The following MEGF6 variants were observed in gnomAD, a reference collection of about 807,000 sequenced individuals.
The protein encoded by MEGF6 is multiple epidermal growth factor-like domains protein 6.
A neutral mutation model predicts 207.1 loss-of-function variants in MEGF6; 184 were observed. The ratio of observed to expected loss-of-function variants is 0.89; its 90% CI spans 0.79 to 1.00. MEGF6 has a LOEUF of 1.00. Ranked by LOEUF, MEGF6 falls within the 50% of genes least tolerant of loss-of-function variation. The pLI is 0.00. For missense variants in MEGF6, 2,282 were observed against 2,202.9 expected (o/e 1.04, Z -0.72); for synonymous variants, 1,038 against 910.0 (o/e 1.14, Z -2.53).
intron 3 of MEGF6, among the ~76,000 whole-genome samples, chr1:3,586,828 G>A (rs890083205): frequency 2.6e-5 from 4 of 152,198 alleles, no homozygotes; most frequent in African/African-American, 9.7e-5. Flanking sequence ...GAGACCTGCC[G>A]GGCCCGCCGG....
intron 3 of MEGF6, among the ~76,000 whole-genome samples, chr1:3,586,061 G>A (rs893023969): frequency 3.3e-5 from 5 of 149,304 alleles, no homozygotes; most frequent in Non-Finnish European, 7.4e-5. Flanking sequence ...GTGTGAGTGT[G>A]GACACACGTG....
the MEGF6 span, chr1:3,623,414 G>A: frequency 6.6e-6 from 1 of 152,456 alleles, no homozygotes; most frequent in Non-Finnish European, 1.5e-5. Flanking sequence ...CCGCTGGTAA[G>A]ATAGCTGGGA....
chr1:3,549,364 A>G (rs1050871415), intron 4 of MEGF6, among the ~76,000 whole-genome samples: 8 of 152,184 alleles, frequency 5.3e-5, no homozygotes, highest in African/African-American at 1.7e-4. Flanking sequence ...CCATGGCCAC[A>G]GGCAGACCAG....
intron 3 of MEGF6, among the ~76,000 whole-genome samples, chr1:3,593,124 G>A (rs983375555): frequency 5.3e-5 from 8 of 152,196 alleles, no homozygotes; most frequent in Non-Finnish European, 1.2e-4. Context: ...GACAGAGCTG[G>A]CAGGACGGGC....
chr1:3,490,717 GC>G, intron 36 of MEGF6, 128 bp from the exon 37 acceptor site: 1 of 1,140,846 alleles, frequency 8.8e-7, no homozygotes, highest in Non-Finnish European at 1.3e-6. Flanking sequence ...GGTGGGTGGG[GC>G]CCACCCATCC....
At chr1:3,529,191 G>A (rs1557752774) in intron 4 of MEGF6, among the ~76,000 whole-genome samples, 1 of 152,198 alleles carries the variant, frequency 6.6e-6, no homozygotes. Context: ...TGCCCACTGA[G>A]CCCTGTAGTG....
chr1:3,500,813 G>T, intron 20 of MEGF6, 49 bp from the exon 21 acceptor site: 1 of 1,595,154 alleles, frequency 6.3e-7, no homozygotes. Flanking sequence ...CGCGGGCCAC[G>T]GGCACCACAG....
intron 3 of MEGF6, among the ~76,000 whole-genome samples, chr1:3,589,665 G>A (rs1332325372): frequency 6.6e-6 from 1 of 152,214 alleles, no homozygotes. Flanking sequence ...GGTCAGGGCA[G>A]GTGCAGGTTT....
intron 4 of MEGF6, chr1:3,531,406 C>T: frequency 8.7e-7 from 1 of 1,144,520 alleles, no homozygotes; most frequent in Non-Finnish European, 1.1e-6. Context: ...GCCCGGGAGC[C>T]GCTCTGGGCC....
intron 4 of MEGF6, among the ~76,000 whole-genome samples, chr1:3,561,127 G>A (rs1400945033): frequency 6.6e-6 from 1 of 152,176 alleles, no homozygotes; most frequent in South Asian, 2.1e-4. Context: ...AAGGGGAGGC[G>A]GCACGGCAGG....
Position 3,499,236 on chromosome 1 carries a change from C to T in MEGF6, c.2996G>A (p.Cys999Tyr), listed in dbSNP as rs931956730. The change falls in exon 24 of 37, where the codon TGC (cysteine) becomes TAC (tyrosine). Residue 999 changes from cysteine to tyrosine, a missense_variant. Physicochemically the swap from Cys to Tyr is radical, Grantham distance 194 (BLOSUM62 -2). Transcript: ENST00000356575. ...TCPAHTYGHN[C>Y]SQACACFNGA... is the part of the protein sequence containing the mutation. ...GTTAAAGCAGGCACAGGCCTGGCTG[C>T]AATTGTGCCCGTAGGTGTGGGCTGG... The T allele has an allele frequency of 3.1e-6, 5 of 1,606,054 alleles. No homozygotes were observed. The highest frequency in any genetic ancestry group is 3.4e-6 in the Non-Finnish European group (4 of 1,177,540).
intron 3 of MEGF6, among the ~76,000 whole-genome samples, chr1:3,591,161 C>T (rs1429458679): frequency 6.6e-6 from 1 of 152,204 alleles, no homozygotes; most frequent in Non-Finnish European, 1.5e-5. Flanking sequence ...CCGCCCTCCT[C>T]GCATGAGCCA....
chr1:3,591,690 G>T (rs992612222), intron 3 of MEGF6, among the ~76,000 whole-genome samples: 19 of 147,314 alleles, frequency 1.3e-4, no homozygotes, highest in African/African-American at 3.5e-4. Flanking sequence ...GAGGCAGCTG[G>T]TGGGGGCTGC....
At chr1:3,555,513 G>A (rs1014204063) in intron 4 of MEGF6, among the ~76,000 whole-genome samples, 7 of 152,254 alleles carry the variant, frequency 4.6e-5, no homozygotes, top group African/African-American at 7.2e-5. Flanking sequence ...TAATGTGGGC[G>A]GCTCAGAAAT....
At chr1:3,522,066 C>T (rs1051436256) in intron 5 of MEGF6, among the ~76,000 whole-genome samples, 1 of 152,200 alleles carries the variant, frequency 6.6e-6, no homozygotes, top group African/African-American at 2.4e-5. Flanking sequence ...GGGGTGAAAC[C>T]CCCAGCATCT....
At chr1:3,555,857 G>T (rs555337891) in intron 4 of MEGF6, among the ~76,000 whole-genome samples, 103 of 152,380 alleles carry the variant, frequency 6.8e-4, no homozygotes, top group African/African-American at 2.4e-3. Flanking sequence ...GGAAGACTGA[G>T]CTGGCATCCT....
intron 4 of MEGF6, among the ~76,000 whole-genome samples, chr1:3,557,820 GCA>G (rs957036450): frequency 6.6e-6 from 1 of 152,232 alleles, no homozygotes; most frequent in Non-Finnish European, 1.5e-5. Context: ...GACGTCGTTT[GCA>G]CAGGCTCAGG....
In MEGF6 at chr1:3,505,595, A is replaced by G. The variant is rs952457539; in HGVS notation, c.1919-39T>C. 9 of 1,513,252 alleles carry G rather than the reference A, an allele frequency of 5.9e-6. No homozygotes were observed. The African/African-American group carries it at 1.1e-4, about 19-fold the overall frequency. 93.7% of individuals were successfully genotyped at this position (1,513,252 alleles called of 1,614,324 possible). On this transcript the variant is annotated intron_variant, in intron 15 of 36. Transcript: ENST00000356575. ...ACCGTTGAGGGGGGCTCCCGTCTGA[A>G]GCCCCACCCTCCCAGACCGCTTCCA...
At chr1:3,605,348 C>T (rs1300843640) in intron 1 of MEGF6, among the ~76,000 whole-genome samples, 2 of 125,190 alleles carry the variant, frequency 1.6e-5, no homozygotes, top group East Asian at 2.2e-4. Context: ...TGCTCATACA[C>T]TCACGCACGT....
Sources: allele counts gnomAD v4.1 joint callset (sites outside exome capture counted in the v4.1 genomes callset), GRCh38; gene constraint gnomAD v4.1.1; transcripts MANE v1.5; gene names NCBI Gene and HGNC (gene_info 2026-07-23, HGNC 2026-07-21).